ZBTB20: variants seen among roughly 807,000 people sequenced by gnomAD.
The protein encoded by ZBTB20 is zinc finger and BTB domain-containing protein 20.
ZBTB20 carries 9 observed loss-of-function variants against 56.9 expected under a neutral mutation model. The observed-to-expected ratio is 0.16, with a 90% CI of 0.10 to 0.28. ZBTB20 has a LOEUF of 0.28. Among genes scored for constraint, ZBTB20 ranks in the 10% least tolerant of loss-of-function variants. ZBTB20 has a pLI of 1.00. For synonymous variants in ZBTB20, 417 were observed against 420.7 expected (o/e 0.99, Z 0.11); for missense variants, 655 against 1,003.0 (o/e 0.65, Z 4.69).
chr3:114,487,222 C>T (rs1327562489), intron 7 of ZBTB20, among the ~76,000 whole-genome samples: 1 of 152,136 alleles, frequency 6.6e-6, no homozygotes, highest in African/African-American at 2.4e-5. Context: ...ACATTTGACA[C>T]TCTGAGCCCT....
At chr3:115,037,853 C>G (rs2080990531) in intron 2 of ZBTB20, among the ~76,000 whole-genome samples, 1 of 152,070 alleles carries the variant, frequency 6.6e-6, no homozygotes, top group Non-Finnish European at 1.5e-5. Flanking sequence ...AGTTGCTATT[C>G]CTTTAAATCT....
intron 4 of ZBTB20, among the ~76,000 whole-genome samples, chr3:114,834,763 G>A (rs1401427320): frequency 6.6e-6 from 1 of 152,016 alleles, no homozygotes; most frequent in African/African-American, 2.4e-5. Flanking sequence ...CATGGCAAGA[G>A]TCCCGTTCTT....
At position 114,380,278 on chromosome 3, in the gene ZBTB20, TG is replaced by T; in HGVS notation, c.137del (p.Pro46GlnfsTer10). 6.5e-7 allele frequency: 1 copy of T among 1,537,158 alleles called. No homozygotes were observed. The highest frequency in any genetic ancestry group is 8.7e-7 in the Non-Finnish European group (1 of 1,146,872). ...GTGAATGTGTTGAGTGGATGAGGGC[TG>T]GGTCTGGAGACAAAACAGCTTCAAA... is the stretch of plus-strand genomic sequence containing the variant. Reference protein sequence around the residue: ...LNFEAVLSPDPALIHSTHSLT... With the variant: ...LNFEAVLSPDXALIHSTHSLT... On this transcript the variant is annotated frameshift_variant, in exon 10 of 12. Transcript: ENST00000675478. LOFTEE classifies it high-confidence loss of function.
chr3:114,452,609 A>C (rs2091692651), intron 7 of ZBTB20, among the ~76,000 whole-genome samples: 1 of 152,182 alleles, frequency 6.6e-6, no homozygotes. Context: ...GATGAGCATC[A>C]CACTCTGCCC....
chr3:114,352,822 T>A (rs1468695367), intron 10 of ZBTB20, among the ~76,000 whole-genome samples: 2 of 152,182 alleles, frequency 1.3e-5, no homozygotes, highest in Admixed American at 6.5e-5. Flanking sequence ...TAGGCCAGGA[T>A]AGCAGGAGTA....
intron 6 of ZBTB20, among the ~76,000 whole-genome samples, chr3:114,622,696 G>A (rs1217376834): frequency 2.0e-5 from 3 of 152,154 alleles, no homozygotes; most frequent in Non-Finnish European, 2.9e-5. Context: ...AATGTAATAC[G>A]CTGGATCGCT....
At chr3:115,046,555 AG>A (rs963878694) in intron 2 of ZBTB20, among the ~76,000 whole-genome samples, 15 of 152,202 alleles carry the variant, frequency 9.9e-5, no homozygotes, top group Non-Finnish European at 2.9e-5. Flanking sequence ...TTAAATTAAT[AG>A]GTCAAGGCTA....
chr3:114,608,730 T>C lies in ZBTB20; in HGVS notation c.-295+84798A>G, dbSNP rs115624345. On this transcript the variant is annotated intron_variant, in intron 6 of 11. Transcript: ENST00000675478. Reference sequence around the variant, plus strand: ...CCAACCTGTAATTCCCAAGTATCAATTCTAATGTGTTCAAAAATAAAAGCA... The same window carrying C: ...CCAACCTGTAATTCCCAAGTATCAACTCTAATGTGTTCAAAAATAAAAGCA... Among the ~76,000 whole-genome samples the C allele has an allele frequency of 8.2e-3, 1,243 of 152,346 alleles. 21 individuals are homozygous for C. The highest frequency in any genetic ancestry group is 0.028 in the African/African-American group (1,157 of 41,582).
intron 10 of ZBTB20, among the ~76,000 whole-genome samples, chr3:114,361,840 T>C (rs537879712): frequency 3.9e-4 from 60 of 152,180 alleles, no homozygotes; most frequent in African/African-American, 1.3e-3. Context: ...AGGCACCACT[T>C]TGAGAGGAAC....
chr3:114,345,665 A>G (rs1006350014), intron 11 of ZBTB20, among the ~76,000 whole-genome samples: 7 of 151,920 alleles, frequency 4.6e-5, no homozygotes, highest in African/African-American at 1.7e-4. Flanking sequence ...ACAGATTTCT[A>G]GGCTCCATTG....
intron 6 of ZBTB20, among the ~76,000 whole-genome samples, chr3:114,561,565 T>G (rs1176901089): frequency 6.6e-6 from 1 of 152,084 alleles, no homozygotes; most frequent in African/African-American, 2.4e-5. Flanking sequence ...CAATGAGCAG[T>G]AGTATGTTGA....
At position 114,315,370 on chromosome 3, in the gene ZBTB20, A is replaced by G. The variant is rs573345952; in HGVS notation, c.*23635T>C. Reference sequence around the variant, plus strand: ...CCCAGGTCTTTGTTCTGAAAAGACAATCTGGTTAGAAAAGTTGCCCTCCAC... The same window carrying G: ...CCCAGGTCTTTGTTCTGAAAAGACAGTCTGGTTAGAAAAGTTGCCCTCCAC... On this transcript the variant is annotated 3_prime_UTR_variant, in exon 12 of 12. Transcript: ENST00000675478. 5.3e-5 allele frequency: 8 copies of G among 152,298 alleles called. 1 individual carries two copies. Among genetic ancestry groups the G allele is most frequent in the African/African-American group, 1.7e-4 (7 of 41,562 alleles). The allele number at this position is 152,298 out of a possible 1,614,324, so 9.4% of individuals were successfully genotyped here.
intron 7 of ZBTB20, among the ~76,000 whole-genome samples, chr3:114,424,632 G>A (rs1225051233): frequency 1.3e-5 from 2 of 152,160 alleles, no homozygotes; most frequent in African/African-American, 4.8e-5. Flanking sequence ...CATTATGCAG[G>A]GGAGCCCCGT....
At chr3:115,129,125 C>T (rs1290531131) in intron 1 of ZBTB20, among the ~76,000 whole-genome samples, 2 of 152,080 alleles carry the variant, frequency 1.3e-5, no homozygotes, top group African/African-American at 4.8e-5. Context: ...CTCTTTTCAG[C>T]TTTCTTATAA....
intron 11 of ZBTB20, among the ~76,000 whole-genome samples, chr3:114,347,353 T>C (rs183949900): frequency 2.6e-5 from 4 of 152,278 alleles, no homozygotes; most frequent in Admixed American, 1.3e-4. Flanking sequence ...CTTTTTAACT[T>C]TGTCAAGCTA....
chr3:114,942,859 A>G (rs1388562157), intron 3 of ZBTB20, among the ~76,000 whole-genome samples: 3 of 145,530 alleles, frequency 2.1e-5, no homozygotes, highest in Admixed American at 2.0e-4. Flanking sequence ...TAAAGAGAGG[A>G]GGGCACAAAT....
chr3:114,834,757 G>C (rs2074035421), intron 4 of ZBTB20, among the ~76,000 whole-genome samples: 2 of 151,976 alleles, frequency 1.3e-5, no homozygotes, highest in Non-Finnish European at 2.9e-5. Context: ...CCCGCCCATG[G>C]CAAGAGTCCC....
chr3:114,895,439 A>C (rs554881207), intron 4 of ZBTB20, among the ~76,000 whole-genome samples: 1 of 152,332 alleles, frequency 6.6e-6, no homozygotes, highest in South Asian at 2.1e-4. Context: ...ATTGCAAGAC[A>C]TACCTCCATA....
Position 114,330,223 on chromosome 3 carries a change from A to G in ZBTB20, c.*8782T>C, listed in dbSNP as rs1451546520. 1.3e-5 allele frequency: 2 copies of G among 152,220 alleles called. No homozygotes were observed. Among genetic ancestry groups the G allele is most frequent in the Non-Finnish European group, 2.9e-5 (2 of 68,028 alleles). 9.4% of individuals were successfully genotyped at this position (152,220 alleles called of 1,614,324 possible). On this transcript the variant is annotated 3_prime_UTR_variant, in exon 12 of 12. Transcript: ENST00000675478. The stretch of plus-strand genomic sequence containing the variant: ...TAAAATCCTCTAAAGACAATACTGA[A>G]GCTGATAATATAAAAAGCAAATTAG...
Sources: allele counts gnomAD v4.1 joint callset (sites outside exome capture counted in the v4.1 genomes callset), GRCh38; gene constraint gnomAD v4.1.1; transcripts MANE v1.5; gene names NCBI Gene and HGNC (gene_info 2026-07-23, HGNC 2026-07-21).